CEP128: variants seen among roughly 807,000 people sequenced by gnomAD.
CEP128 encodes the protein centrosomal protein 128kDa.
In CEP128, 132 loss-of-function variants were observed where a neutral mutation model predicts 156.7. The observed-to-expected ratio is 0.84, with a 90% CI of 0.73 to 0.97. The LOEUF (loss-of-function observed/expected upper bound fraction) is 0.97. CEP128 is among the 50% of genes least tolerant of loss of function. The pLI, the probability that CEP128 is intolerant of heterozygous loss-of-function variation, is 0.00. For missense variants in CEP128, 1,252 were observed against 1,281.9 expected (o/e 0.98, Z 0.36); for synonymous variants, 469 against 448.9 (o/e 1.04, Z -0.57).
intron 19 of CEP128, among the ~76,000 whole-genome samples, chr14:80,687,168 T>C (rs140484011): frequency 1.2e-4 from 19 of 152,250 alleles, no homozygotes; most frequent in African/African-American, 4.6e-4. Flanking sequence ...AATCACATAA[T>C]TGGAAGTAAA....
At chr14:80,766,302 C>T (rs746411939) in intron 16 of CEP128, among the ~76,000 whole-genome samples, 3 of 152,114 alleles carry the variant, frequency 2.0e-5, no homozygotes, top group African/African-American at 4.8e-5. Flanking sequence ...ATAAAGAAAA[C>T]GTAAAATAAA....
intron 19 of CEP128, among the ~76,000 whole-genome samples, chr14:80,656,552 C>CT (rs1191482558): frequency 1.3e-5 from 2 of 151,538 alleles, no homozygotes; most frequent in Non-Finnish European, 2.9e-5. Flanking sequence ...GTTTATACCC[C>CT]TCTTAACTAT....
rs201237903 is a variant in CEP128 at position 80,883,943 on chromosome 14, ATT to A, written c.645+11773_645+11774del. On this transcript the variant is annotated intron_variant, in intron 8 of 24. Coordinates refer to ENST00000555265, the MANE Select transcript of CEP128 (RefSeq NM_152446.5). ...ACATCCATACAATCACAGCAAACTC[ATT>A]CTAGACCAAGTTGCAAAGAACTTGT... is the stretch of plus-strand genomic sequence containing the variant. Among the ~76,000 whole-genome samples, 282 of 152,322 alleles carry A rather than the reference ATT, an allele frequency of 1.9e-3. 9 individuals are homozygous for A. In the East Asian group the frequency reaches 0.046, roughly 25 times the overall value.
At chr14:80,540,198 C>T (rs1566767176) in intron 21 of CEP128, among the ~76,000 whole-genome samples, 3 of 33,664 alleles carry the variant, frequency 8.9e-5, no homozygotes, top group Admixed American at 4.5e-4. Flanking sequence ...TGTTCTTACA[C>T]CCCCCCCCCT....
At chr14:80,773,117 T>G (rs945885933) in intron 16 of CEP128, among the ~76,000 whole-genome samples, 4 of 152,192 alleles carry the variant, frequency 2.6e-5, no homozygotes, top group Non-Finnish European at 5.9e-5. Context: ...AAGAAACATA[T>G]TCTCATAATT....
intron 14 of CEP128, among the ~76,000 whole-genome samples, chr14:80,788,288 C>CTTTTTTTTTTTTTTTTTT (rs10628361): frequency 2.1e-5 from 2 of 97,256 alleles, no homozygotes; most frequent in Non-Finnish European, 3.8e-5. Context: ...TGGCCAGGAT[C>CTTTTTTTTTTTTTTTTTT]TTTTTTTTTT....
intron 2 of CEP128, among the ~76,000 whole-genome samples, chr14:80,937,161 AT>A (rs1036015452): frequency 1.5e-4 from 23 of 152,078 alleles, no homozygotes; most frequent in Non-Finnish European, 3.1e-4. Context: ...CTACAAAAAA[AT>A]AAAACAAAAT....
intron 8 of CEP128, among the ~76,000 whole-genome samples, chr14:80,894,923 AC>A (rs1889276378): frequency 6.6e-6 from 1 of 152,026 alleles, no homozygotes; most frequent in Non-Finnish European, 1.5e-5. Flanking sequence ...ATCTACTTTT[AC>A]TAGGAAACTT....
intron 8 of CEP128, among the ~76,000 whole-genome samples, chr14:80,869,121 A>G (rs189098990): frequency 6.6e-6 from 1 of 152,146 alleles, no homozygotes; most frequent in East Asian, 1.9e-4. Context: ...CTTTAGAACA[A>G]GTGGACCTAA....
chr14:80,870,641 T>C (rs758937154), intron 8 of CEP128, among the ~76,000 whole-genome samples: 2 of 152,040 alleles, frequency 1.3e-5, no homozygotes, highest in Non-Finnish European at 2.9e-5. Context: ...GCTAACATAG[T>C]ACTCAACAGT....
chr14:80,597,152 T>A (rs2122429), intron 19 of CEP128, among the ~76,000 whole-genome samples: 20,306 of 151,724 alleles, frequency 0.13, 1,450 homozygotes, highest in South Asian at 0.24. Context: ...CAAAGTTCAA[T>A]AAAATTGACA....
chr14:80,759,376 A>C (rs1468262477), intron 17 of CEP128, among the ~76,000 whole-genome samples: 1 of 152,190 alleles, frequency 6.6e-6, no homozygotes, highest in African/African-American at 2.4e-5. Context: ...GAATCAATAA[A>C]TGACTAAGTG....
chr14:80,817,291 T>C (rs561078182), intron 13 of CEP128, among the ~76,000 whole-genome samples: 7 of 152,000 alleles, frequency 4.6e-5, no homozygotes, highest in Non-Finnish European at 7.4e-5. Flanking sequence ...ATACAAAAAT[T>C]ATCTAAAATG....
At position 80,535,594 on chromosome 14, in the gene CEP128, C is replaced by T. The variant is rs149063202; in HGVS notation, c.2881-4708G>A. 1.1e-3 allele frequency among the ~76,000 whole-genome samples: 159 copies of T among 150,322 alleles called. 1 individual carries two copies. The highest frequency in any genetic ancestry group is 2.9e-3 in the African/African-American group (115 of 40,204). On this transcript the variant is annotated intron_variant, in intron 21 of 24. Coordinates refer to ENST00000555265, the MANE Select transcript of CEP128 (RefSeq NM_152446.5). ...CTAAACACACTTGTGTGCACACACG[C>T]GCACGCATACATGCACACACTCACA...
At chr14:80,943,339 G>A (rs376155380), upstream of CEP128, among the ~76,000 whole-genome samples, 1 of 152,144 alleles carries the variant, frequency 6.6e-6, no homozygotes, top group Non-Finnish European at 1.5e-5. Context: ...GGTTTGTATG[G>A]AAAGACATAA....
At chr14:80,855,450 A>G (rs1797671) in intron 9 of CEP128, among the ~76,000 whole-genome samples, 90,320 of 151,824 alleles carry the variant, frequency 0.59, 27,195 homozygotes, top group East Asian at 0.79. Flanking sequence ...TCAATACGAG[A>G]GTGATTTTAA....
At chr14:80,649,392 T>G (rs1390067966) in intron 19 of CEP128, among the ~76,000 whole-genome samples, 1 of 151,690 alleles carries the variant, frequency 6.6e-6, no homozygotes, top group Non-Finnish European at 1.5e-5. Flanking sequence ...AAATGAAACC[T>G]GAAAAAAATT....
intron 19 of CEP128, among the ~76,000 whole-genome samples, chr14:80,708,117 C>T (rs541606166): frequency 3.9e-5 from 6 of 152,140 alleles, no homozygotes; most frequent in East Asian, 3.9e-4. Flanking sequence ...TTTTTCTTCA[C>T]GTCCCCTATG....
At chr14:80,909,831 T>C (rs1001556660) in intron 4 of CEP128, among the ~76,000 whole-genome samples, 1 of 152,138 alleles carries the variant, frequency 6.6e-6, no homozygotes, top group African/African-American at 2.4e-5. Context: ...AAGTACGAAG[T>C]CATAAAAATT....
Sources: allele counts gnomAD v4.1 joint callset (sites outside exome capture counted in the v4.1 genomes callset), GRCh38; gene constraint gnomAD v4.1.1; transcripts MANE v1.5; gene names NCBI Gene and HGNC (gene_info 2026-07-23, HGNC 2026-07-21).